FUT8: variants seen among roughly 807,000 people sequenced by gnomAD.
FUT8 encodes the protein alpha-(1,6)-fucosyltransferase.
In FUT8, 29 loss-of-function variants were observed where a neutral mutation model predicts 71.3. That is an observed-to-expected ratio of 0.41 (90% CI 0.30 to 0.55). The LOEUF is 0.55. Ranked by LOEUF, FUT8 falls within the 20% of genes least tolerant of loss-of-function variation. The pLI is 0.34. For synonymous variants in FUT8, 254 were observed against 239.3 expected (o/e 1.06, Z -0.57); for missense variants, 544 against 702.1 (o/e 0.77, Z 2.55).
At chr14:65,589,441 CT>C (rs35606286) in intron 3 of FUT8, among the ~76,000 whole-genome samples, 188 of 109,928 alleles carry the variant, frequency 1.7e-3, no homozygotes, top group South Asian at 5.4e-3. Context: ...TGCCTTAAAT[CT>C]TTTTTTTTTT....
chr14:65,403,284 A>G, the FUT8 span, among the ~76,000 whole-genome samples: 1 of 152,206 alleles, frequency 6.6e-6, no homozygotes, highest in African/African-American at 2.4e-5. Context: ...ATATGAAAAA[A>G]TGAGACAGAG....
At chr14:65,379,863 A>G in the FUT8 span, among the ~76,000 whole-genome samples, 1 of 152,192 alleles carries the variant, frequency 6.6e-6, no homozygotes, top group South Asian at 2.1e-4. Flanking sequence ...CTCACATGGC[A>G]GGAGGGGCGA....
At chr14:65,536,969 CTTTTTTTT>C (rs57549287) in intron 2 of FUT8, among the ~76,000 whole-genome samples, 4 of 124,582 alleles carry the variant, frequency 3.2e-5, no homozygotes, top group African/African-American at 1.2e-4. Context: ...TCTTCTTCTT[CTTTTTTTT>C]TTTTTTTTGC....
chr14:65,393,609 C>T, the FUT8 span, among the ~76,000 whole-genome samples: 1 of 152,108 alleles, frequency 6.6e-6, no homozygotes, highest in African/African-American at 2.4e-5. Context: ...GAGCCTTTCT[C>T]AGGGTTTCTG....
At chr14:65,473,358 C>T (rs1455318547) in intron 2 of FUT8, among the ~76,000 whole-genome samples, 1 of 152,104 alleles carries the variant, frequency 6.6e-6, no homozygotes, top group Non-Finnish European at 1.5e-5. Context: ...TTCTATCTCT[C>T]ACCTTCATTT....
At chr14:65,402,016 T>C in the FUT8 span, among the ~76,000 whole-genome samples, 1 of 151,800 alleles carries the variant, frequency 6.6e-6, no homozygotes, top group African/African-American at 2.4e-5. Context: ...GGTGCCTCAG[T>C]ATCCGACAGT....
At chr14:65,422,424 T>G (rs1422196021) in intron 1 of FUT8, among the ~76,000 whole-genome samples, 1 of 152,222 alleles carries the variant, frequency 6.6e-6, no homozygotes, top group African/African-American at 2.4e-5. Flanking sequence ...TGAATGTTTT[T>G]TATGGCATTG....
intron 5 of FUT8, among the ~76,000 whole-genome samples, chr14:65,626,095 T>A (rs1465164700): frequency 3.9e-5 from 6 of 152,098 alleles, no homozygotes; most frequent in Non-Finnish European, 8.8e-5. Flanking sequence ...TATAATTGAT[T>A]ATCAATACCA....
intron 7 of FUT8, among the ~76,000 whole-genome samples, chr14:65,686,229 G>A (rs28694288): frequency 0.051 from 7,782 of 152,242 alleles, 335 homozygotes; most frequent in East Asian, 0.14. Flanking sequence ...CTTTTTGGCA[G>A]CTGGCTTTAT....
chr14:65,642,904 CAG>C (rs1201128758), intron 6 of FUT8, among the ~76,000 whole-genome samples: 2 of 152,262 alleles, frequency 1.3e-5, no homozygotes, highest in East Asian at 1.9e-4. Context: ...TAGATTTCAT[CAG>C]AGTTTCTACA....
At chr14:65,402,707 C>T in the FUT8 span, among the ~76,000 whole-genome samples, 1 of 152,078 alleles carries the variant, frequency 6.6e-6, no homozygotes, top group Non-Finnish European at 1.5e-5. Flanking sequence ...GCCATGTTGC[C>T]TATGCTGGTC....
At chr14:65,543,558 G>A (rs1216162757) in intron 2 of FUT8, among the ~76,000 whole-genome samples, 1 of 152,088 alleles carries the variant, frequency 6.6e-6, no homozygotes, top group Non-Finnish European at 1.5e-5. Context: ...AAAACATAGA[G>A]TGTTGTATGT....
chr14:65,713,531 G>GAGA (rs1555386723), intron 7 of FUT8, among the ~76,000 whole-genome samples: 1 of 152,016 alleles, frequency 6.6e-6, no homozygotes, highest in Non-Finnish European at 1.5e-5. Context: ...AGTGTATGAG[G>GAGA]GTTCCCTTTT....
the FUT8 span, among the ~76,000 whole-genome samples, chr14:65,403,453 G>T: frequency 2.6e-5 from 4 of 152,160 alleles, no homozygotes; most frequent in African/African-American, 9.7e-5. Context: ...AATCCTGTTG[G>T]CAGTTATATT....
the FUT8 span, among the ~76,000 whole-genome samples, chr14:65,368,050 C>CTTTT: frequency 8.2e-5 from 7 of 85,812 alleles, no homozygotes; most frequent in African/African-American, 2.4e-4. Flanking sequence ...GGCAAAATTA[C>CTTTT]TTTTTTTTTT....
rs551373449 is a variant in FUT8, at chr14:65,715,941, C to T, written c.836-5834C>T. Among the ~76,000 whole-genome samples, 27 of 148,392 alleles carry T rather than the reference C, an allele frequency of 1.8e-4. No homozygotes were observed. The Middle Eastern group carries it at 0.021, about 113-fold the overall frequency. ...GCAGTGAGCTGAGGTCACACCACTG[C>T]ACTCCAGCCTGGACAAGAGTGAGAC... On this transcript the variant is annotated intron_variant, in intron 7 of 10. Coordinates refer to ENST00000673929, the MANE Select transcript of FUT8 (RefSeq NM_001371533.1).
chr14:65,655,152 C>T (rs968672633), intron 6 of FUT8, among the ~76,000 whole-genome samples: 16 of 151,622 alleles, frequency 1.1e-4, no homozygotes, highest in African/African-American at 3.9e-4. Flanking sequence ...TGGGCAGATA[C>T]ACCATGCAAA....
At chr14:65,666,050 A>G (rs116848210) in intron 6 of FUT8, among the ~76,000 whole-genome samples, 1,843 of 152,236 alleles carry the variant, frequency 0.012, 15 homozygotes, top group Middle Eastern at 0.024. Context: ...TAACCTGTAT[A>G]CAAACCTACA....
At chr14:65,720,677 T>C (rs1283049943) in intron 7 of FUT8, among the ~76,000 whole-genome samples, 2 of 152,168 alleles carry the variant, frequency 1.3e-5, no homozygotes, top group Non-Finnish European at 2.9e-5. Flanking sequence ...AGCACAGCAC[T>C]AAAACTTGCC....
Sources: allele counts gnomAD v4.1 joint callset (sites outside exome capture counted in the v4.1 genomes callset), GRCh38; gene constraint gnomAD v4.1.1; transcripts MANE v1.5; gene names NCBI Gene and HGNC (gene_info 2026-07-23, HGNC 2026-07-21).